Variants in VASH1 observed in about 807,000 individuals in gnomAD.
VASH1 encodes the protein vasohibin 1.
Under a neutral mutation model 35.0 loss-of-function variants are expected in VASH1, and 16 were observed. That is an observed-to-expected ratio of 0.46 (90% CI 0.31 to 0.70). The LOEUF (loss-of-function observed/expected upper bound fraction) is 0.70, where lower values mean the gene tolerates loss of function less well. Ranked by LOEUF, VASH1 falls within the 30% of genes least tolerant of loss-of-function variation. The pLI is 0.05. For missense variants in VASH1, 505 were observed against 510.7 expected (o/e 0.99, Z 0.11); for synonymous variants, 214 against 200.9 (o/e 1.07, Z -0.55).
intron 1 of VASH1, 50 bp from the exon 2 acceptor site, chr14:76,769,913 G>A (rs964956517): frequency 1.3e-6 from 2 of 1,588,656 alleles, no homozygotes; most frequent in African/African-American, 1.3e-5. Context: ...TGGACTGGAA[G>A]CTCCAAGGTG....
At chr14:76,764,327 G>A (rs1220350867) in intron 1 of VASH1, among the ~76,000 whole-genome samples, 2 of 152,198 alleles carry the variant, frequency 1.3e-5, no homozygotes, top group Admixed American at 6.5e-5. Flanking sequence ...TGGAATGGCC[G>A]CATAAATGTG....
At chr14:76,767,194 G>A (rs940142248) in intron 1 of VASH1, among the ~76,000 whole-genome samples, 9 of 151,726 alleles carry the variant, frequency 5.9e-5, no homozygotes, top group Admixed American at 1.3e-4. Flanking sequence ...TCAGTGAGCC[G>A]AAGTTGAGCC....
chr14:76,779,273 A>T lies in VASH1; in HGVS notation c.*255A>T, dbSNP rs1894034955. On this transcript the variant is annotated 3_prime_UTR_variant, in exon 7 of 7. Coordinates refer to ENST00000167106, the MANE Select transcript of VASH1 (RefSeq NM_014909.5). ...AACTGAAGTTTAAGGTATTTGGGGA[A>T]AACTTAGTCCAAATGGATCTGCTGA... 1 of 701,412 alleles carries T rather than the reference A, an allele frequency of 1.4e-6. No homozygotes were observed. The highest frequency in any genetic ancestry group is 2.6e-6 in the Non-Finnish European group (1 of 384,842). The allele number at this position is 701,412 out of a possible 1,614,324, so 43.4% of individuals were successfully genotyped here.
rs1411225909 is a variant in VASH1, at chr14:76,761,687, A to G, written c.-1135A>G. ...GGCTTCGTCACTCGCCTCCAGCTAC[A>G]TCCGCCGGCCGAGGCTGCGCGAGCC... is the stretch of plus-strand genomic sequence containing the variant. On this transcript the variant is annotated 5_prime_UTR_variant, in exon 1 of 7. Transcript: ENST00000167106. Among the ~76,000 whole-genome samples, 1 of 151,804 alleles carries G rather than the reference A, an allele frequency of 6.6e-6. No homozygotes were observed. The highest frequency in any genetic ancestry group is 1.5e-5 in the Non-Finnish European group (1 of 67,868).
At chr14:76,766,987 G>A (rs895009657) in intron 1 of VASH1, among the ~76,000 whole-genome samples, 8 of 152,132 alleles carry the variant, frequency 5.3e-5, no homozygotes, top group Admixed American at 4.6e-4. Flanking sequence ...CGGGTGCGGT[G>A]TAATCCCAGC....
In VASH1 at chr14:76,776,278, G is replaced by T. The variant is rs1893940556; in HGVS notation, c.912+5G>T. On this transcript the variant is annotated splice_donor_5th_base_variant and intron_variant, in intron 5 of 6. Transcript: ENST00000167106. ...GCCCGCGACATGCGGCTCAAGGTCTGCCCGCCTTCCACGCCCTCGCCCCCT... is the reference window on the plus strand; with the variant it reads ...GCCCGCGACATGCGGCTCAAGGTCTTCCCGCCTTCCACGCCCTCGCCCCCT... 2 of 1,578,278 alleles carry T rather than the reference G, an allele frequency of 1.3e-6. No individual in the cohort carries two copies. Among genetic ancestry groups the T allele is most frequent in the Admixed American group, 1.7e-5 (1 of 58,614 alleles).
At chr14:76,764,442 T>G (rs1194551794) in intron 1 of VASH1, among the ~76,000 whole-genome samples, 2 of 152,188 alleles carry the variant, frequency 1.3e-5, no homozygotes, top group African/African-American at 4.8e-5. Context: ...AAAATATAAA[T>G]TTTGGGGTTC....
intron 3 of VASH1, 40 bp from the exon 4 acceptor site, chr14:76,773,097 G>T: frequency 6.2e-7 from 1 of 1,602,656 alleles, no homozygotes; most frequent in Non-Finnish European, 8.5e-7. Flanking sequence ...TGGAGGGGCT[G>T]GAGGCGCTGT....
At chr14:76,768,456 G>A (rs1487425123) in intron 1 of VASH1, among the ~76,000 whole-genome samples, 2 of 152,122 alleles carry the variant, frequency 1.3e-5, no homozygotes, top group African/African-American at 4.8e-5. Context: ...GGGAGGGAGG[G>A]TGAGGAAGTG....
rs776068736 is a variant in VASH1 at position 76,769,948 on chromosome 14, T to C, written c.310-15T>C. 4 of 1,613,168 alleles carry C rather than the reference T, an allele frequency of 2.5e-6. No individual in the cohort carries two copies. The highest frequency in any genetic ancestry group is 3.4e-6 in the Non-Finnish European group (4 of 1,179,322). On this transcript the variant is annotated splice_polypyrimidine_tract_variant and intron_variant, in intron 1 of 6. Transcript: ENST00000167106. ...GAGCCTCTTCTTGTGACCGGAGCTC[T>C]TTCTCTGTCCCCAGATCCCCATACC...
At chr14:76,778,592 C>G (rs1208713211) in intron 6 of VASH1, among the ~76,000 whole-genome samples, 1 of 152,186 alleles carries the variant, frequency 6.6e-6, no homozygotes, top group East Asian at 1.9e-4. Context: ...GGGTACTAAG[C>G]AGGCCTCTGG....
Position 76,771,241 on chromosome 14 carries a change from G to A in VASH1, c.450G>A (p.Leu150=). The change falls in exon 3 of 7, where the codon CTG becomes CTA. Residue 150 remains leucine, a synonymous_variant. Transcript: ENST00000167106. ...QFFEIKKSRP[L]TGLMDLAKEM... ...TTGAAATTAAGAAGAGCAGACCTCT[G>A]ACAGGGTAAGTATGGGGAGGCCAGT... 1 of 1,602,416 alleles carries A rather than the reference G, an allele frequency of 6.2e-7. No individual in the cohort carries two copies. The highest frequency in any genetic ancestry group is 1.1e-5 in the South Asian group (1 of 89,200).
At chr14:76,775,864 GCT>G in intron 4 of VASH1, 26 bp from the exon 5 acceptor site, 1 of 1,525,818 alleles carries the variant, frequency 6.6e-7, no homozygotes, top group Admixed American at 2.0e-5. Context: ...GCTTCTCCTG[GCT>G]CTTTCCTTAG....
In VASH1 at chr14:76,776,041, T is replaced by C; in HGVS notation, c.680T>C (p.Met227Thr). The change falls in exon 5 of 7, where the codon ATG (methionine) becomes ACG (threonine). Residue 227 changes from methionine (M) to threonine (T), a missense_variant. Coordinates refer to ENST00000167106, the MANE Select transcript of VASH1 (RefSeq NM_014909.5). ...ALGMSRREDL[M>T]YKPPAFRTLS... ...GGCATGAGTCGGCGCGAGGACCTGA[T>C]GTACAAGCCGCCCGCCTTCCGCACG... 1.2e-6 allele frequency: 2 copies of C among 1,611,600 alleles called. No homozygotes were observed. Among genetic ancestry groups the C allele is most frequent in the South Asian group, 1.1e-5 (1 of 90,834 alleles).
At position 76,778,000 on chromosome 14, in the gene VASH1, GA is replaced by G; in HGVS notation, c.956del (p.Lys319ArgfsTer79). 1 of 1,548,750 alleles carries G rather than the reference GA, an allele frequency of 6.5e-7. No homozygotes were observed. Among genetic ancestry groups the G allele is most frequent in the Admixed American group, 2.0e-5 (1 of 51,094 alleles). ...TGPPSPTKDR[K>X]KDVSSPQRAQ... is the part of the protein sequence containing the mutation. ...GCCCTCCCTCTCCCACCAAGGACCG[GA>G]AGAAGGATGTTTCTTCCCCGCAGCG... On this transcript the variant is annotated frameshift_variant, in exon 6 of 7. Transcript: ENST00000167106. LOFTEE classifies it high-confidence loss of function.
chr14:76,766,274 G>T (rs141408982), intron 1 of VASH1, among the ~76,000 whole-genome samples: 131 of 152,256 alleles, frequency 8.6e-4, no homozygotes, highest in African/African-American at 3.0e-3. Context: ...ATAAGAGTCT[G>T]TCCTTGATGT....
chr14:76,780,997 G>T lies in VASH1; in HGVS notation c.*1979G>T, dbSNP rs1377748726. 5 of 152,380 alleles carry T rather than the reference G, an allele frequency of 3.3e-5. No individual in the cohort carries two copies. Among genetic ancestry groups the T allele is most frequent in the Admixed American group, 2.0e-4 (3 of 15,284 alleles). 9.4% of individuals were successfully genotyped at this position (152,380 alleles called of 1,614,324 possible). Reference sequence around the variant, plus strand: ...TGCAGTTGCTGGGTCACCAGCGGGGGTGGCGCATGGAGTACAGACAGTGTA... The same window carrying T: ...TGCAGTTGCTGGGTCACCAGCGGGGTTGGCGCATGGAGTACAGACAGTGTA... On this transcript the variant is annotated 3_prime_UTR_variant, in exon 7 of 7. Transcript: ENST00000167106.
intron 4 of VASH1, 28 bp from the exon 5 acceptor site, chr14:76,775,864 G>C: frequency 6.6e-7 from 1 of 1,525,818 alleles, no homozygotes; most frequent in Non-Finnish European, 8.8e-7. Context: ...GCTTCTCCTG[G>C]CTCTTTCCTT....
rs892817728 is a variant in VASH1, at chr14:76,780,769, T to C, written c.*1751T>C. 1.3e-5 allele frequency: 2 copies of C among 152,188 alleles called. No individual in the cohort carries two copies. Among genetic ancestry groups the C allele is most frequent in the East Asian group, 1.9e-4 (1 of 5,198 alleles). 9.4% of individuals were successfully genotyped at this position (152,188 alleles called of 1,614,324 possible). A position where few individuals can be genotyped will look rare whatever the true frequency, so the allele number is the denominator to read the frequency against. On this transcript the variant is annotated 3_prime_UTR_variant, in exon 7 of 7. Coordinates refer to ENST00000167106, the MANE Select transcript of VASH1 (RefSeq NM_014909.5). ...ACTTAAAAAAAACTTAAAAACCCAA[T>C]ACTGGCAAAAGAGGATGCCAGTTTG...
Sources: gnomAD v4.1 joint callset for allele counts (sites outside exome capture counted in the v4.1 genomes callset) on GRCh38, gnomAD v4.1.1 for gene constraint, MANE v1.5 for transcripts, NCBI Gene and HGNC (gene_info 2026-07-23, HGNC 2026-07-21) for gene names.